Variants in ZBTB44 observed in about 807,000 individuals in gnomAD.
ZBTB44 encodes zinc finger and BTB domain containing 44.
In ZBTB44, 15 loss-of-function variants were observed where a neutral mutation model predicts 54.0. That is an observed-to-expected ratio of 0.28 (90% CI 0.19 to 0.43). ZBTB44 has a LOEUF of 0.43. Ranked by LOEUF, ZBTB44 falls within the 20% of genes least tolerant of loss-of-function variation. The pLI is 1.00. For synonymous variants in ZBTB44, 230 were observed against 250.1 expected, an observed-to-expected ratio of 0.92 and a Z score of 0.76; for missense variants, 487 against 707.1, an observed-to-expected ratio of 0.69 and a Z score of 3.53.
At chr11:130,262,307 G>A (rs1354602654) in intron 1 of ZBTB44, among the ~76,000 whole-genome samples, 2 of 151,864 alleles carry the variant, frequency 1.3e-5, no homozygotes, top group Admixed American at 6.6e-5. Context: ...GCCTGGCTAA[G>A]TTTTGTATTT....
chr11:130,274,215 G>A (rs902727950), intron 1 of ZBTB44, among the ~76,000 whole-genome samples: 3 of 152,104 alleles, frequency 2.0e-5, no homozygotes, highest in Non-Finnish European at 4.4e-5. Flanking sequence ...GATTTTGAGC[G>A]TCATGTTGGT....
chr11:130,310,398 G>A (rs754725062), intron 1 of ZBTB44: 6 of 151,668 alleles, frequency 4.0e-5, no homozygotes, highest in Admixed American at 3.9e-4. Flanking sequence ...CAAAACTCCC[G>A]TGCTTATCAG....
intron 1 of ZBTB44, chr11:130,296,498 G>A (rs770049941): frequency 1.1e-6 from 1 of 949,288 alleles, no homozygotes; most frequent in Non-Finnish European, 1.6e-6. Context: ...TACGGATGTG[G>A]TGGCAAGAGG....
chr11:130,298,099 A>G (rs1941764068), intron 1 of ZBTB44, among the ~76,000 whole-genome samples: 1 of 152,206 alleles, frequency 6.6e-6, no homozygotes, highest in Non-Finnish European at 1.5e-5. Flanking sequence ...CTTCAAAATA[A>G]AACACTGACA....
intron 1 of ZBTB44, among the ~76,000 whole-genome samples, chr11:130,307,113 C>T (rs1325422020): frequency 6.6e-6 from 1 of 150,922 alleles, no homozygotes; most frequent in Non-Finnish European, 1.5e-5. Context: ...AATAGCCATA[C>T]CTAAAGCCCA....
intron 2 of ZBTB44, among the ~76,000 whole-genome samples, chr11:130,259,056 G>A (rs1233167870): frequency 6.6e-6 from 1 of 152,152 alleles, no homozygotes; most frequent in East Asian, 1.9e-4. Context: ...ACAAACCACT[G>A]CTCAAGAAAA....
At chr11:130,236,721 G>A in intron 5 of ZBTB44, 72 bp downstream of exon 5, 1 of 1,309,264 alleles carries the variant, frequency 7.6e-7, no homozygotes, top group Non-Finnish European at 9.7e-7. Flanking sequence ...AAACACAGAA[G>A]GCTGCCCTAA....
At chr11:130,251,819 C>T (rs1005660496) in intron 2 of ZBTB44, among the ~76,000 whole-genome samples, 2 of 152,132 alleles carry the variant, frequency 1.3e-5, no homozygotes, top group Non-Finnish European at 2.9e-5. Flanking sequence ...CAAAAACACA[C>T]CAAAATACAA....
chr11:130,244,255 G>C lies in ZBTB44; in HGVS notation c.1019-4359C>G, dbSNP rs561676216. ...CAAACAACCTAGCTTATTCTCATTA[G>C]GTAATGAACTCTTTACTGAACACAA... On this transcript the variant is annotated intron_variant, in intron 2 of 7. Transcript: ENST00000357899. Among the ~76,000 whole-genome samples the C allele has an allele frequency of 5.3e-5, 8 of 152,218 alleles. No homozygotes were observed. In the East Asian group the frequency reaches 1.5e-3, roughly 29 times the overall value.
At position 130,254,768 on chromosome 11, in the gene ZBTB44, G is replaced by A. The variant is rs1473716096; in HGVS notation, c.1018+6088C>T. 7.2e-5 allele frequency among the ~76,000 whole-genome samples: 11 copies of A among 152,062 alleles called. No individual in the cohort carries two copies. The East Asian group carries it at 7.7e-4, about 11-fold the overall frequency. ...ATAAATCATGCTGCTATAAAGACAC[G>A]TGCACACGTATGTTTATTGTGGCAC... On this transcript the variant is annotated intron_variant, in intron 2 of 7. Coordinates refer to ENST00000357899, the MANE Select transcript of ZBTB44 (RefSeq NM_001301098.2).
intron 1 of ZBTB44, among the ~76,000 whole-genome samples, chr11:130,276,301 A>T (rs763671343): frequency 6.6e-6 from 1 of 151,022 alleles, no homozygotes; most frequent in Non-Finnish European, 1.5e-5. Context: ...ATAATGGAGA[A>T]TGTTCCATGT....
intron 1 of ZBTB44, among the ~76,000 whole-genome samples, chr11:130,263,864 A>G (rs906740599): frequency 6.6e-6 from 1 of 152,232 alleles, no homozygotes; most frequent in Non-Finnish European, 1.5e-5. Flanking sequence ...GCTTCAAGGC[A>G]TGCTGATCCT....
At chr11:130,266,979 T>G (rs992445512) in intron 1 of ZBTB44, among the ~76,000 whole-genome samples, 1 of 152,194 alleles carries the variant, frequency 6.6e-6, no homozygotes, top group African/African-American at 2.4e-5. Context: ...TTAAAAATTT[T>G]TTTTAGCTGG....
At chr11:130,266,429 T>C (rs1461814650) in intron 1 of ZBTB44, among the ~76,000 whole-genome samples, 1 of 152,248 alleles carries the variant, frequency 6.6e-6, no homozygotes, top group East Asian at 1.9e-4. Context: ...CTGCAGCCTA[T>C]AGATCAGGGA....
chr11:130,294,711 C>T (rs1941531446), intron 1 of ZBTB44, among the ~76,000 whole-genome samples: 1 of 152,120 alleles, frequency 6.6e-6, no homozygotes. Context: ...AAATAACTCC[C>T]ACATGCTTAG....
At chr11:130,263,963 G>A (rs754636226) in intron 1 of ZBTB44, among the ~76,000 whole-genome samples, 18 of 152,170 alleles carry the variant, frequency 1.2e-4, no homozygotes, top group Non-Finnish European at 2.2e-4. Context: ...AGGCCAAGAC[G>A]TATGCCTACT....
At chr11:130,245,323 T>A (rs1196748352) in intron 2 of ZBTB44, among the ~76,000 whole-genome samples, 1 of 152,252 alleles carries the variant, frequency 6.6e-6, no homozygotes, top group Non-Finnish European at 1.5e-5. Flanking sequence ...GAGAACCAGA[T>A]AATGCTGCAT....
At chr11:130,260,720 A>C (rs1288339431) in intron 2 of ZBTB44, 136 bp downstream of exon 2, 4 of 1,031,564 alleles carry the variant, frequency 3.9e-6, no homozygotes, top group East Asian at 2.6e-5. Flanking sequence ...ATAGCATCTC[A>C]AGCAAATCCA....
At chr11:130,266,386 G>A (rs1939253301) in intron 1 of ZBTB44, among the ~76,000 whole-genome samples, 1 of 152,206 alleles carries the variant, frequency 6.6e-6, no homozygotes, top group African/African-American at 2.4e-5. Context: ...CATGACTGAT[G>A]TTGTTTTCAT....
Sources: allele counts gnomAD v4.1 joint callset (sites outside exome capture counted in the v4.1 genomes callset), GRCh38; gene constraint gnomAD v4.1.1; transcripts MANE v1.5; gene names NCBI Gene and HGNC (gene_info 2026-07-23, HGNC 2026-07-21).